Variants in FHIT observed in about 807,000 individuals in gnomAD.
FHIT encodes fragile histidine triad diadenosine triphosphatase, also known as bis(5'-adenosyl)-triphosphatase.
In FHIT, 19 loss-of-function variants were observed where a neutral mutation model predicts 17.9. The ratio of observed to expected loss-of-function variants is 1.06; its 90% CI spans 0.74 to 1.56. FHIT has a LOEUF of 1.56. FHIT is among the 40% of genes most tolerant of loss of function. FHIT has a pLI of 0.00. For missense variants in FHIT, 248 were observed against 189.2 expected (o/e 1.31, Z -1.82); for synonymous variants, 81 against 69.7 (o/e 1.16, Z -0.81).
intron 8 of FHIT, among the ~76,000 whole-genome samples, chr3:59,895,756 A>G (rs1704041581): frequency 6.6e-6 from 1 of 152,214 alleles, no homozygotes; most frequent in Non-Finnish European, 1.5e-5. Flanking sequence ...AGCAATAACC[A>G]TATGTCCTGT....
At chr3:60,648,965 G>T (rs2107803720) in intron 4 of FHIT, among the ~76,000 whole-genome samples, 2 of 152,282 alleles carry the variant, frequency 1.3e-5, no homozygotes, top group Middle Eastern at 6.8e-3. Context: ...AGTTAACATT[G>T]TGTATGCCTG....
At chr3:60,329,028 C>A (rs1271615005) in intron 5 of FHIT, among the ~76,000 whole-genome samples, 2 of 152,182 alleles carry the variant, frequency 1.3e-5, no homozygotes, top group Non-Finnish European at 1.5e-5. Flanking sequence ...TTAACAACAA[C>A]CCAGGAAAAT....
intron 2 of FHIT, among the ~76,000 whole-genome samples, chr3:61,056,994 G>C (rs1167570562): frequency 6.6e-6 from 1 of 152,180 alleles, no homozygotes; most frequent in Non-Finnish European, 1.5e-5. Context: ...AGTAGGGGTG[G>C]AGTACATATG....
At chr3:60,225,730 C>T (rs1349409147) in intron 5 of FHIT, among the ~76,000 whole-genome samples, 4 of 152,144 alleles carry the variant, frequency 2.6e-5, no homozygotes, top group African/African-American at 9.7e-5. Context: ...AAAACAGCGA[C>T]TTTGGGATCA....
At chr3:59,930,336 A>C (rs985264965) in intron 7 of FHIT, among the ~76,000 whole-genome samples, 1 of 152,176 alleles carries the variant, frequency 6.6e-6, no homozygotes, top group African/African-American at 2.4e-5. Context: ...CACTTGTAGC[A>C]ATGCTTTGCA....
intron 4 of FHIT, among the ~76,000 whole-genome samples, chr3:60,592,484 A>G (rs964217098): frequency 6.6e-6 from 1 of 152,080 alleles, no homozygotes; most frequent in Non-Finnish European, 1.5e-5. Flanking sequence ...GGCCACTGGC[A>G]CCGTGGTCAT....
intron 4 of FHIT, among the ~76,000 whole-genome samples, chr3:60,764,291 A>C (rs1180768938): frequency 6.6e-6 from 1 of 152,132 alleles, no homozygotes; most frequent in Admixed American, 6.6e-5. Context: ...CTGTAATTGC[A>C]TCTGCCAAAA....
chr3:59,892,171 T>G (rs1703880921), intron 8 of FHIT, among the ~76,000 whole-genome samples: 1 of 152,162 alleles, frequency 6.6e-6, no homozygotes, highest in African/African-American at 2.4e-5. Flanking sequence ...AACTAGCAGA[T>G]TTTTACATCA....
intron 5 of FHIT, among the ~76,000 whole-genome samples, chr3:60,066,923 C>T (rs1318548586): frequency 2.0e-5 from 3 of 152,010 alleles, no homozygotes; most frequent in Admixed American, 6.6e-5. Flanking sequence ...GGATTACAGG[C>T]GTGAGCCACT....
intron 5 of FHIT, among the ~76,000 whole-genome samples, chr3:60,226,474 A>G (rs1365889908): frequency 7.6e-6 from 1 of 131,900 alleles, no homozygotes; most frequent in Admixed American, 7.5e-5. Flanking sequence ...CTCCGTCTCA[A>G]AAAAAAAAAA....
chr3:61,061,144 G>A (rs1208655495), intron 2 of FHIT, among the ~76,000 whole-genome samples: 2 of 152,188 alleles, frequency 1.3e-5, no homozygotes, highest in Non-Finnish European at 2.9e-5. Context: ...TTGTTGTCAG[G>A]AGAGAACAGA....
intron 5 of FHIT, among the ~76,000 whole-genome samples, chr3:60,389,604 C>A (rs1701144969): frequency 6.6e-6 from 1 of 152,114 alleles, no homozygotes; most frequent in Non-Finnish European, 1.5e-5. Flanking sequence ...TGAGGCTGGG[C>A]CACAAGTGAC....
rs200934161 is a variant in FHIT at position 60,226,493 on chromosome 3, A to AAAAAAAAAAAAAAC, written c.104-212342_104-212341insGTTTTTTTTTTTTT. ...GTCTCAAAAAAAAAAAAAAAAAAAA[A>AAAAAAAAAAAAAAC]ACACTGCCTGCCTGCACTATACTAA... On this transcript the variant is annotated intron_variant, in intron 5 of 9. Coordinates refer to ENST00000492590, the MANE Select transcript of FHIT (RefSeq NM_002012.4). Among the ~76,000 whole-genome samples, 269 of 147,010 alleles carry AAAAAAAAAAAAAAC rather than the reference A, an allele frequency of 1.8e-3. 6 individuals carry two copies. The highest frequency in any genetic ancestry group is 6.0e-3 in the African/African-American group (225 of 37,654).
In FHIT at chr3:60,716,567, T is replaced by C. The variant is rs2041689170; in HGVS notation, c.-18+105352A>G. ...CTTACCTCCAATGAAAACAATGCCTTCTTCTGAATACCTCCTGGAGTTCTT... is the reference window on the plus strand; with the variant it reads ...CTTACCTCCAATGAAAACAATGCCTCCTTCTGAATACCTCCTGGAGTTCTT... On this transcript the variant is annotated intron_variant, in intron 4 of 9. Coordinates refer to ENST00000492590, the MANE Select transcript of FHIT (RefSeq NM_002012.4). Among the ~76,000 whole-genome samples, 4 of 152,226 alleles carry C rather than the reference T, an allele frequency of 2.6e-5. No homozygotes were observed. The South Asian group carries it at 8.3e-4, about 32-fold the overall frequency.
Position 59,823,364 on chromosome 3 carries a change from T to A in FHIT, c.349-71043A>T, listed in dbSNP as rs531361135. 5.3e-5 allele frequency among the ~76,000 whole-genome samples: 8 copies of A among 152,190 alleles called. No individual in the cohort carries two copies. In the South Asian group the frequency reaches 1.0e-3, roughly 20 times the overall value. ...TATTTTTATGGGAATTGCATTGAAT[T>A]TGTAGACTGCTTTAGGCAGTATGGT... is the stretch of plus-strand genomic sequence containing the variant. On this transcript the variant is annotated intron_variant, in intron 8 of 9. Coordinates refer to ENST00000492590, the MANE Select transcript of FHIT (RefSeq NM_002012.4).
chr3:60,221,605 A>G (rs1703964437), intron 5 of FHIT, among the ~76,000 whole-genome samples: 1 of 152,120 alleles, frequency 6.6e-6, no homozygotes, highest in African/African-American at 2.4e-5. Context: ...CTGCCTACTT[A>G]TCTCTGCAAC....
chr3:59,959,567 T>A (rs1378654817), intron 7 of FHIT, among the ~76,000 whole-genome samples: 3 of 152,210 alleles, frequency 2.0e-5, no homozygotes, highest in East Asian at 3.9e-4. Context: ...CATTCATTCA[T>A]CCATCTAGTC....
intron 3 of FHIT, among the ~76,000 whole-genome samples, chr3:60,916,373 A>G (rs1553767084): frequency 6.6e-6 from 1 of 152,214 alleles, no homozygotes; most frequent in African/African-American, 2.4e-5. Flanking sequence ...TCATGCTTCT[A>G]TTCATGATAC....
chr3:59,780,187 A>G (rs1262212756), intron 8 of FHIT, among the ~76,000 whole-genome samples: 1 of 152,190 alleles, frequency 6.6e-6, no homozygotes, highest in African/African-American at 2.4e-5. Context: ...CCTCAAATGG[A>G]GACACCATCA....
Sources: gnomAD v4.1 joint callset for allele counts (sites outside exome capture counted in the v4.1 genomes callset) on GRCh38, gnomAD v4.1.1 for gene constraint, MANE v1.5 for transcripts, NCBI Gene and HGNC (gene_info 2026-07-23, HGNC 2026-07-21) for gene names.